Variants in CRTC1 observed in about 807,000 individuals in gnomAD.
CRTC1 encodes CREB-regulated transcription coactivator 1.
A neutral mutation model predicts 66.1 loss-of-function variants in CRTC1; 18 were observed. The ratio of observed to expected loss-of-function variants is 0.27; its 90% confidence interval spans 0.19 to 0.40. The LOEUF (loss-of-function observed/expected upper bound fraction) is 0.40. Ranked by LOEUF, CRTC1 falls within the 10% of genes least tolerant of loss-of-function variation. The pLI is 1.00. For synonymous variants in CRTC1, 416 were observed against 398.8 expected, an observed-to-expected ratio of 1.04 and a Z score of -0.51; for missense variants, 669 against 887.9, an observed-to-expected ratio of 0.75 and a Z score of 3.13.
chr19:18,746,957 C>CCCAG (rs955072843), intron 3 of CRTC1, 96 bp from the exon 4 acceptor site: 4 of 1,222,732 alleles, frequency 3.3e-6, no homozygotes, highest in Middle Eastern at 2.3e-4. Context: ...TCAGGCCGAC[C>CCCAG]CCAGCCAGCC....
At chr19:18,755,830 T>C (rs2054472152) in intron 6 of CRTC1, among the ~76,000 whole-genome samples, 1 of 151,640 alleles carries the variant, frequency 6.6e-6, no homozygotes, top group Non-Finnish European at 1.5e-5. Context: ...CTCGAACTCC[T>C]GGGCTCAAGC....
At position 18,716,107 on chromosome 19, in the gene CRTC1, C is replaced by T. The variant is rs546318512; in HGVS notation, c.127-26803C>T. On this transcript the variant is annotated intron_variant, in intron 1 of 13. Transcript: ENST00000321949. The stretch of plus-strand genomic sequence containing the variant: ...AGAGTCACTGGTGGCATGTGCCCCC[C>T]GCTGCCCTGCCCAGTGCCCCGCCCT... 2.6e-5 allele frequency among the ~76,000 whole-genome samples: 4 copies of T among 152,192 alleles called. No homozygotes were observed. In the East Asian group the frequency reaches 7.7e-4, roughly 29 times the overall value.
At chr19:18,732,716 C>T (rs955394091) in intron 1 of CRTC1, among the ~76,000 whole-genome samples, 4 of 152,096 alleles carry the variant, frequency 2.6e-5, no homozygotes, top group Non-Finnish European at 5.9e-5. Context: ...CCTTGAGTGC[C>T]ACCAGTGGGG....
chr19:18,729,573 C>T (rs771009676), intron 1 of CRTC1, among the ~76,000 whole-genome samples: 124 of 151,944 alleles, frequency 8.2e-4, no homozygotes, highest in Admixed American at 1.4e-3. Context: ...AGGGAGACCG[C>T]GTCTCTACTA....
rs35465891 is a variant in CRTC1, at chr19:18,728,815, C to CTTTTTTTTTTTTTTTTTTTTT, written c.127-14080_127-14079insTTTTTTTTTTTTTTTTTTTTT. On this transcript the variant is annotated intron_variant, in intron 1 of 13. Transcript: ENST00000321949. ...ACAGGTGTGAGCCACCTCACCTGGC[C>CTTTTTTTTTTTTTTTTTTTTT]TTTTTTTTTTTTTTTGAGACAGAGT... 2.8e-4 allele frequency among the ~76,000 whole-genome samples: 22 copies of CTTTTTTTTTTTTTTTTTTTTT among 79,378 alleles called. 3 individuals are homozygous for CTTTTTTTTTTTTTTTTTTTTT. The highest frequency in any genetic ancestry group is 9.4e-4 in the African/African-American group (16 of 16,942). 52.1% of individuals were successfully genotyped at this position (79,378 alleles called of 152,430 possible).
At chr19:18,724,056 A>G (rs1022167747) in intron 1 of CRTC1, among the ~76,000 whole-genome samples, 1 of 152,178 alleles carries the variant, frequency 6.6e-6, no homozygotes, top group Non-Finnish European at 1.5e-5. Flanking sequence ...AGCATCCCAC[A>G]TATGTGGTCA....
chr19:18,743,860 C>T, intron 2 of CRTC1, among the ~76,000 whole-genome samples: 1 of 152,236 alleles, frequency 6.6e-6, no homozygotes, highest in Non-Finnish European at 1.5e-5. Flanking sequence ...TGTCACAGCC[C>T]TTCCTGGCCA....
chr19:18,777,169 A>T lies in CRTC1; in HGVS notation c.1694-2A>T. The T allele has an allele frequency of 1.5e-6, 1 of 686,834 alleles. No individual in the cohort carries two copies. Among genetic ancestry groups the T allele is most frequent in the Non-Finnish European group, 2.2e-6 (1 of 464,618 alleles). 42.5% of individuals were successfully genotyped at this position (686,834 alleles called of 1,614,324 possible). On this transcript the variant is annotated splice_acceptor_variant, in intron 13 of 13. Coordinates refer to ENST00000321949, the MANE Select transcript of CRTC1 (RefSeq NM_015321.3). LOFTEE classifies it high-confidence loss of function. This position sits in a 1 kb window ranked among gnomAD's most constrained non-coding sequence, Gnocchi z 5.5. Reference sequence around the variant, plus strand: ...GCCTTTTGTCCCCACCCCATCCCCCAGTGACAGGAGAGTCCCCCCCCAGCC... The same window carrying T: ...GCCTTTTGTCCCCACCCCATCCCCCTGTGACAGGAGAGTCCCCCCCCAGCC...
At chr19:18,759,629 G>C (rs987608470) in intron 7 of CRTC1, 38 bp downstream of exon 7, 3 of 1,603,798 alleles carry the variant, frequency 1.9e-6, no homozygotes, top group Non-Finnish European at 2.6e-6. Context: ...CACTGCATCT[G>C]CTGCGCTGCT....
intron 3 of CRTC1, 81 bp from the exon 4 acceptor site, chr19:18,746,971 CG>C: frequency 1.4e-6 from 2 of 1,382,414 alleles, no homozygotes; most frequent in Non-Finnish European, 2.1e-6. Context: ...GCCAGCCAGC[CG>C]GGGCTTCCTG....
intron 2 of CRTC1, chr19:18,744,028 G>T: frequency 2.0e-6 from 3 of 1,490,600 alleles, no homozygotes; most frequent in Non-Finnish European, 2.8e-6. Context: ...CCCACAGCCC[G>T]GGGGGAGGTC....
chr19:18,737,114 C>T (rs1033807252), intron 1 of CRTC1, among the ~76,000 whole-genome samples: 7 of 152,010 alleles, frequency 4.6e-5, no homozygotes, highest in East Asian at 1.9e-4. Flanking sequence ...GGGGCAGGGG[C>T]GTAGACTTAG....
At chr19:18,740,772 G>A (rs1427893840) in intron 1 of CRTC1, among the ~76,000 whole-genome samples, 1 of 152,188 alleles carries the variant, frequency 6.6e-6, no homozygotes, top group African/African-American at 2.4e-5. Context: ...GGGAGGCCGA[G>A]GCGGGTGGAT....
intron 6 of CRTC1, among the ~76,000 whole-genome samples, chr19:18,755,454 G>C (rs536739979): frequency 6.6e-6 from 1 of 151,570 alleles, no homozygotes; most frequent in South Asian, 2.1e-4. Context: ...TTTTGAGGCA[G>C]GATCTTGCTC....
At chr19:18,737,795 G>C (rs1255847561) in intron 1 of CRTC1, among the ~76,000 whole-genome samples, 1 of 139,670 alleles carries the variant, frequency 7.2e-6, no homozygotes, top group Middle Eastern at 3.8e-3. Flanking sequence ...CCAGCTCTAC[G>C]TGAAGGACGG....
intron 1 of CRTC1, among the ~76,000 whole-genome samples, chr19:18,708,158 C>T (rs1322978347): frequency 3.3e-5 from 5 of 152,018 alleles, no homozygotes; most frequent in Admixed American, 2.6e-4. Context: ...TATATGGGGC[C>T]CAGAGGCCTA....
At position 18,760,681 on chromosome 19, in the gene CRTC1, C is replaced by G. The variant is rs753418217; in HGVS notation, c.886+453C>G. 3.3e-5 allele frequency among the ~76,000 whole-genome samples: 5 copies of G among 152,068 alleles called. No homozygotes were observed. The highest frequency in any genetic ancestry group is 7.4e-5 in the Non-Finnish European group (5 of 67,974). ...ACCCCCACCCGTCTCCAGCTCCACA[C>G]TCCTTTCTTCCTCAGCCACATCCAC... On this transcript the variant is annotated intron_variant, in intron 8 of 13. Transcript: ENST00000321949. The surrounding 1 kb of genome is among the most constrained non-coding windows in gnomAD (Gnocchi z 6.2).
chr19:18,695,151 A>G (rs1216422379), intron 1 of CRTC1, among the ~76,000 whole-genome samples: 3 of 152,036 alleles, frequency 2.0e-5, no homozygotes, highest in African/African-American at 7.2e-5. Flanking sequence ...GATCACAGGC[A>G]TGAGCCAATG....
At chr19:18,710,523 C>T (rs2053366572) in intron 1 of CRTC1, among the ~76,000 whole-genome samples, 1 of 152,222 alleles carries the variant, frequency 6.6e-6, no homozygotes, top group Non-Finnish European at 1.5e-5. Context: ...TGAGCTGTTC[C>T]CTCCCATGGG....
Sources: allele counts gnomAD v4.1 joint callset (sites outside exome capture counted in the v4.1 genomes callset), GRCh38; gene constraint gnomAD v4.1.1; non-coding constraint Gnocchi (gnomAD v3.1); transcripts MANE v1.5; gene names NCBI Gene and HGNC (gene_info 2026-07-23, HGNC 2026-07-21).